FAM107B: variants seen among roughly 807,000 people sequenced by gnomAD.
The protein encoded by FAM107B is family with sequence similarity 107 member B, also known as protein FAM107B.
A neutral mutation model predicts 31.5 loss-of-function variants in FAM107B; 21 were observed. The ratio of observed to expected loss-of-function variants is 0.67; its 90% CI spans 0.47 to 0.96. The LOEUF (loss-of-function observed/expected upper bound fraction) is 0.96, where lower values mean the gene tolerates loss of function less well. Ranked by LOEUF, FAM107B falls within the 40% of genes least tolerant of loss-of-function variation. The pLI is 0.00. For missense variants in FAM107B, 452 were observed against 377.1 expected, an observed-to-expected ratio of 1.20 and a Z score of -1.64; for synonymous variants, 157 against 141.5, an observed-to-expected ratio of 1.11 and a Z score of -0.78.
At chr10:14,741,350 G>T (rs893971351) in intron 1 of FAM107B, among the ~76,000 whole-genome samples, 2 of 152,206 alleles carry the variant, frequency 1.3e-5, no homozygotes, top group Non-Finnish European at 2.9e-5. Flanking sequence ...AGCCCATAAG[G>T]GGCTTGTTTG....
chr10:14,715,748 G>C (rs192896843), intron 1 of FAM107B, among the ~76,000 whole-genome samples: 1 of 152,278 alleles, frequency 6.6e-6, no homozygotes, highest in South Asian at 2.1e-4. Context: ...AGCACTCCTT[G>C]TTCCCCAGCC....
intron 1 of FAM107B, among the ~76,000 whole-genome samples, chr10:14,768,895 A>T (rs889727469): frequency 6.6e-6 from 1 of 152,124 alleles, no homozygotes; most frequent in African/African-American, 2.4e-5. Context: ...CTCTCACCTC[A>T]TCTTCCTGCT....
Position 14,520,170 on chromosome 10 carries a change from A to C in FAM107B, c.*1020T>G, listed in dbSNP as rs1299867798. 1 of 152,476 alleles carries C rather than the reference A, an allele frequency of 6.6e-6. No individual in the cohort carries two copies. The highest frequency in any genetic ancestry group is 1.5e-5 in the Non-Finnish European group (1 of 68,026). The allele number at this position is 152,476 out of a possible 1,614,324, so 9.4% of individuals were successfully genotyped here. A position where few individuals can be genotyped will look rare whatever the true frequency, so the allele number is the denominator to read the frequency against. ...AGCTTGGATTCTAATGATATGCATT[A>C]TCATTAGACATTCAAATGCTATACA... On this transcript the variant is annotated 3_prime_UTR_variant, in exon 5 of 5. Transcript: ENST00000181796.
At chr10:14,702,942 G>A (rs1201715435) in intron 1 of FAM107B, among the ~76,000 whole-genome samples, 1 of 151,988 alleles carries the variant, frequency 6.6e-6, no homozygotes, top group Non-Finnish European at 1.5e-5. Flanking sequence ...GAATGTCACC[G>A]GACCTGATCG....
At chr10:14,760,927 G>T (rs534861117) in intron 1 of FAM107B, among the ~76,000 whole-genome samples, 130 of 147,980 alleles carry the variant, frequency 8.8e-4, no homozygotes, top group African/African-American at 3.1e-3. Context: ...CAGGAGAATC[G>T]CTTGAACCCG....
intron 2 of FAM107B, chr10:14,542,833 T>A (rs564155600): frequency 6.6e-6 from 1 of 152,238 alleles, no homozygotes; most frequent in African/African-American, 2.4e-5. Context: ...GTATCAACAG[T>A]GAGTCTTTTG....
chr10:14,636,717 A>G (rs1397909720), intron 2 of FAM107B, among the ~76,000 whole-genome samples: 3 of 152,122 alleles, frequency 2.0e-5, no homozygotes, highest in African/African-American at 4.8e-5. Context: ...GGGAGTGGGT[A>G]TGAAGATAAT....
chr10:14,548,327 G>C, intron 2 of FAM107B: 1 of 709,898 alleles, frequency 1.4e-6, no homozygotes, highest in Non-Finnish European at 1.7e-6. Flanking sequence ...GAGGCACAGG[G>C]AGGCCTCAGG....
Position 14,636,926 on chromosome 10 carries a change from T to C in FAM107B, c.469+30708A>G, listed in dbSNP as rs117316761. Among the ~76,000 whole-genome samples the C allele has an allele frequency of 7.6e-4, 115 of 152,248 alleles. 3 individuals are homozygous for C. In the East Asian group the frequency reaches 0.017, roughly 22 times the overall value. ...TTGTGGGCATATCTTTCCAAAGAGG[T>C]TGTCCATTTGTTTTTGCCAGATGTC... On this transcript the variant is annotated intron_variant, in intron 2 of 4. Transcript: ENST00000181796.
At chr10:14,586,428 C>A (rs1851839973) in intron 2 of FAM107B, among the ~76,000 whole-genome samples, 2 of 152,176 alleles carry the variant, frequency 1.3e-5, no homozygotes, top group Non-Finnish European at 2.9e-5. Context: ...TCCTCCTCCA[C>A]CATAAATTCA....
intron 1 of FAM107B, among the ~76,000 whole-genome samples, chr10:14,754,185 C>T (rs990854117): frequency 6.6e-6 from 1 of 152,106 alleles, no homozygotes; most frequent in Non-Finnish European, 1.5e-5. Context: ...GTGATCCACC[C>T]GTGTCAGCCT....
chr10:14,542,689 C>T (rs1047483313), intron 2 of FAM107B: 1 of 152,142 alleles, frequency 6.6e-6, no homozygotes, highest in African/African-American at 2.4e-5. Flanking sequence ...TGAAAGAGCT[C>T]AGAAATAGTA....
chr10:14,582,922 C>T (rs991319670), intron 2 of FAM107B, among the ~76,000 whole-genome samples: 2 of 151,764 alleles, frequency 1.3e-5, no homozygotes, highest in African/African-American at 4.8e-5. Flanking sequence ...CCCATCTCTA[C>T]TAAAAATACA....
At chr10:14,648,759 G>A (rs577270722) in intron 2 of FAM107B, among the ~76,000 whole-genome samples, 2 of 152,260 alleles carry the variant, frequency 1.3e-5, no homozygotes, top group South Asian at 2.1e-4. Context: ...CAGAACCCAC[G>A]TCATCTAGCC....
At chr10:14,772,645 T>A (rs749283865) in intron 1 of FAM107B, among the ~76,000 whole-genome samples, 27 of 151,992 alleles carry the variant, frequency 1.8e-4, no homozygotes, top group Non-Finnish European at 1.6e-4. Context: ...TCCCACTTTA[T>A]CTCCCTGTTG....
chr10:14,581,776 A>T (rs1851644313), intron 2 of FAM107B, among the ~76,000 whole-genome samples: 1 of 152,124 alleles, frequency 6.6e-6, no homozygotes. Context: ...GGTGGTGCAC[A>T]CCCACGGTCC....
intron 2 of FAM107B, among the ~76,000 whole-genome samples, chr10:14,611,843 T>G (rs1564599840): frequency 6.6e-6 from 1 of 151,986 alleles, no homozygotes; most frequent in Non-Finnish European, 1.5e-5. Flanking sequence ...TATATATGCA[T>G]AAATTTTTCC....
intron 1 of FAM107B, among the ~76,000 whole-genome samples, chr10:14,680,440 G>T (rs960663336): frequency 3.3e-5 from 5 of 152,034 alleles, no homozygotes; most frequent in African/African-American, 9.7e-5. Context: ...CAGGTGTGGT[G>T]GCACATGCCT....
intron 2 of FAM107B, among the ~76,000 whole-genome samples, chr10:14,624,932 A>T (rs899384237): frequency 6.6e-6 from 1 of 152,174 alleles, no homozygotes; most frequent in African/African-American, 2.4e-5. Context: ...GTTGATCAGA[A>T]TGTCATGTGT....
Sources: allele counts gnomAD v4.1 joint callset (sites outside exome capture counted in the v4.1 genomes callset), GRCh38; gene constraint gnomAD v4.1.1; transcripts MANE v1.5; gene names NCBI Gene and HGNC (gene_info 2026-07-23, HGNC 2026-07-21).